KHDRBS1: variants seen among roughly 807,000 people sequenced by gnomAD.
KHDRBS1 encodes the protein KH RNA binding domain containing, signal transduction associated 1.
A neutral mutation model predicts 48.4 loss-of-function variants in KHDRBS1; 7 were observed. The observed-to-expected ratio is 0.14, with a 90% CI of 0.08 to 0.27. The LOEUF is 0.27. Ranked by LOEUF, KHDRBS1 falls within the 10% of genes least tolerant of loss-of-function variation. The pLI is 1.00. For synonymous variants in KHDRBS1, 241 were observed against 235.8 expected, an observed-to-expected ratio of 1.02 and a Z score of -0.20; for missense variants, 458 against 601.2, an observed-to-expected ratio of 0.76 and a Z score of 2.49.
At chr1:32,057,244 A>G (rs914734858) in intron 10 of KHDRBS1, among the ~76,000 whole-genome samples, 14 of 152,166 alleles carry the variant, frequency 9.2e-5, no homozygotes, top group Admixed American at 6.5e-4. Context: ...ACTTATCAAT[A>G]TGATGGCTCA....
chr1:32,036,807 C>T (rs1162197005), intron 4 of KHDRBS1, 103 bp from the exon 5 acceptor site: 2 of 1,246,242 alleles, frequency 1.6e-6, no homozygotes, highest in Admixed American at 2.3e-5. Context: ...CTCATCTGGG[C>T]TCTCAAGAGC....
At chr1:32,017,947 A>G (rs72876663) in intron 1 of KHDRBS1, among the ~76,000 whole-genome samples, 4,292 of 152,230 alleles carry the variant, frequency 0.028, 191 homozygotes, top group African/African-American at 0.096. Flanking sequence ...ACAAGTTAGT[A>G]TAAGTGACTC....
intron 7 of KHDRBS1, 63 bp downstream of exon 7, chr1:32,038,682 C>T: frequency 6.6e-7 from 1 of 1,504,074 alleles, no homozygotes; most frequent in Non-Finnish European, 9.2e-7. Flanking sequence ...GTTGGAGGAA[C>T]AGAGAGATTT....
intron 1 of KHDRBS1, among the ~76,000 whole-genome samples, chr1:32,023,381 G>A (rs895304146): frequency 3.3e-5 from 5 of 152,142 alleles, no homozygotes; most frequent in African/African-American, 4.8e-5. Flanking sequence ...TTCTGAGCCC[G>A]GGTTTCTTCA....
At chr1:32,038,485 GTAAT>G in intron 6 of KHDRBS1, 63 bp from the exon 7 acceptor site, 1 of 1,499,196 alleles carries the variant, frequency 6.7e-7, no homozygotes, top group Non-Finnish European at 9.2e-7. Flanking sequence ...CCCATGGGAT[GTAAT>G]TACCTTTCCT....
intron 4 of KHDRBS1, 25 bp from the exon 5 acceptor site, chr1:32,036,882 CAAT>C (rs1295503841): frequency 6.2e-7 from 1 of 1,602,168 alleles, no homozygotes; most frequent in East Asian, 2.2e-5. Context: ...AGATACCACA[CAAT>C]ACTCCTTGTA....
intron 1 of KHDRBS1, among the ~76,000 whole-genome samples, chr1:32,023,522 G>T (rs1638902229): frequency 6.6e-6 from 1 of 152,198 alleles, no homozygotes; most frequent in African/African-American, 2.4e-5. Flanking sequence ...GTCACCTCTT[G>T]TGTTGTTTAC....
In KHDRBS1 at chr1:32,036,833, A is replaced by G. The variant is rs560782708; in HGVS notation, c.772-77A>G. Reference sequence around the variant, plus strand: ...TCTCAAGAGCTCTTCTTAGAATTCAAGTCTCCCGTGGACCAGATGATTTCT... The same window carrying G: ...TCTCAAGAGCTCTTCTTAGAATTCAGGTCTCCCGTGGACCAGATGATTTCT... On this transcript the variant is annotated intron_variant, in intron 4 of 8. Coordinates refer to ENST00000327300, the MANE Select transcript of KHDRBS1 (RefSeq NM_006559.3). 72 of 1,459,392 alleles carry G rather than the reference A, an allele frequency of 4.9e-5. No individual in the cohort carries two copies. Among genetic ancestry groups the G allele is most frequent in the South Asian group, 4.3e-4 (31 of 72,808 alleles). The allele number at this position is 1,459,392 out of a possible 1,614,324, so 90.4% of individuals were successfully genotyped here.
downstream of KHDRBS1, among the ~76,000 whole-genome samples, chr1:32,045,734 C>T (rs572712322): frequency 1.3e-5 from 2 of 152,244 alleles, no homozygotes; most frequent in Admixed American, 1.3e-4. Flanking sequence ...GCTCAATGTT[C>T]AGTGCGAAGG....
At position 32,025,847 on chromosome 1, in the gene KHDRBS1, C is replaced by T. The variant is rs1049686487; in HGVS notation, c.383-4451C>T. Among the ~76,000 whole-genome samples the T allele has an allele frequency of 2.0e-4, 30 of 150,048 alleles. 1 individual carries two copies. Among genetic ancestry groups the T allele is most frequent in the Admixed American group, 1.3e-3 (20 of 14,942 alleles). On this transcript the variant is annotated intron_variant, in intron 1 of 8. Coordinates refer to ENST00000327300, the MANE Select transcript of KHDRBS1 (RefSeq NM_006559.3). ...GCAGCCTTGAACTCTTGGGCTCAAGCGATCTTCCCACCACAGCCTCCTGAG... is the reference window on the plus strand; with the variant it reads ...GCAGCCTTGAACTCTTGGGCTCAAGTGATCTTCCCACCACAGCCTCCTGAG...
At chr1:32,051,277 G>A (rs947523676) in intron 10 of KHDRBS1, among the ~76,000 whole-genome samples, 3 of 152,194 alleles carry the variant, frequency 2.0e-5, no homozygotes, top group African/African-American at 7.2e-5. Flanking sequence ...TCATTGAATG[G>A]TCTTGTCGCC....
At chr1:32,018,075 AAT>A (rs1284253753) in intron 1 of KHDRBS1, among the ~76,000 whole-genome samples, 2 of 152,244 alleles carry the variant, frequency 1.3e-5, no homozygotes, top group African/African-American at 2.4e-5. Flanking sequence ...GAAACTTCAA[AAT>A]AGTTAATTCC....
chr1:32,015,916 C>T (rs1243440620), intron 1 of KHDRBS1, among the ~76,000 whole-genome samples: 1 of 152,180 alleles, frequency 6.6e-6, no homozygotes, highest in East Asian at 1.9e-4. Context: ...CGCGGTGGCT[C>T]ACGCCTGTAA....
In KHDRBS1 at chr1:32,049,666, AT is replaced by A. The variant is rs927296646; in HGVS notation, n.1301+4289del. The stretch of plus-strand genomic sequence containing the variant: ...GACTCTGTTTATTTTTTTATTTTTT[AT>A]TTTTTTTTTTTTGAGACAGAGTCTC... On this transcript the variant is annotated intron_variant and non_coding_transcript_variant, in intron 10 of 10. Coordinates refer to the KHDRBS1 transcript ENST00000484270. Among the ~76,000 whole-genome samples, 135 of 137,566 alleles carry A rather than the reference AT, an allele frequency of 9.8e-4. 1 individual carries two copies. Among genetic ancestry groups the A allele is most frequent in the Non-Finnish European group, 1.2e-3 (78 of 62,846 alleles). The allele number at this position is 137,566 out of a possible 152,430, so 90.2% of individuals were successfully genotyped here.
Position 32,043,216 on chromosome 1 carries a change from T to C in KHDRBS1, c.*592T>C, listed in dbSNP as rs1639314052. The C allele has an allele frequency of 6.6e-6, 1 of 152,510 alleles. No homozygotes were observed. Among genetic ancestry groups the C allele is most frequent in the Admixed American group, 6.6e-5 (1 of 15,266 alleles). 9.4% of individuals were successfully genotyped at this position (152,510 alleles called of 1,614,324 possible). ...AGCACATGGCGGTTGAATCTTAAGGTTAAATTTTAATATGAAAGATCCTCA... is the reference window on the plus strand; with the variant it reads ...AGCACATGGCGGTTGAATCTTAAGGCTAAATTTTAATATGAAAGATCCTCA... On this transcript the variant is annotated 3_prime_UTR_variant, in exon 9 of 9. Transcript: ENST00000327300.
At chr1:32,048,231 C>T (rs1024666924), downstream of KHDRBS1, among the ~76,000 whole-genome samples, 2 of 152,116 alleles carry the variant, frequency 1.3e-5, no homozygotes, top group African/African-American at 2.4e-5. Context: ...TTCTTGGCTG[C>T]GCATGGCAGC....
chr1:32,021,577 G>C (rs1474919186), intron 1 of KHDRBS1, among the ~76,000 whole-genome samples: 1 of 152,098 alleles, frequency 6.6e-6, no homozygotes, highest in African/African-American at 2.4e-5. Context: ...AAAGTCATGT[G>C]AGTTGTTTAA....
Position 32,013,887 on chromosome 1 carries a change from G to A in KHDRBS1, c.-109G>A. The stretch of plus-strand genomic sequence containing the variant: ...TGCTCTCTCTCGCTGGGTCGCTCGG[G>A]TCGGCTTCGGTCGCTACCGCTCCCG... On this transcript the variant is annotated 5_prime_UTR_variant, in exon 1 of 9. Transcript: ENST00000327300. 7 of 1,087,180 alleles carry A rather than the reference G, an allele frequency of 6.4e-6. No homozygotes were observed. The highest frequency in any genetic ancestry group is 8.4e-6 in the Non-Finnish European group (7 of 834,198). The allele number at this position is 1,087,180 out of a possible 1,614,324, so 67.3% of individuals were successfully genotyped here.
intron 1 of KHDRBS1, among the ~76,000 whole-genome samples, chr1:32,022,966 A>G (rs978022416): frequency 6.6e-6 from 1 of 151,874 alleles, no homozygotes; most frequent in Non-Finnish European, 1.5e-5. Context: ...TAAAGTTGGT[A>G]TATAATTTTC....
Sources: gnomAD v4.1 joint callset for allele counts (sites outside exome capture counted in the v4.1 genomes callset) on GRCh38, gnomAD v4.1.1 for gene constraint, MANE v1.5 for transcripts, NCBI Gene and HGNC (gene_info 2026-07-23, HGNC 2026-07-21) for gene names.